Variants in GNAQ observed in about 807,000 individuals in gnomAD.
GNAQ encodes the protein G protein subunit alpha q.
GNAQ carries 8 observed loss-of-function variants against 43.9 expected under a neutral mutation model. That is an observed-to-expected ratio of 0.18 (90% CI 0.11 to 0.33). GNAQ has a LOEUF of 0.33. Ranked by LOEUF, GNAQ falls within the 10% of genes least tolerant of loss-of-function variation. The probability of loss-of-function intolerance (pLI) is 1.00; values close to 1 mark genes in which losing one functional copy is unlikely to be tolerated. For missense variants in GNAQ, 158 were observed against 450.8 expected (o/e 0.35, Z 5.88); for synonymous variants, 155 against 170.7 (o/e 0.91, Z 0.71).
chr9:78,028,966 C>T lies in GNAQ; in HGVS notation c.136+2134G>A, dbSNP rs78657751. Among the ~76,000 whole-genome samples, 1,295 of 152,140 alleles carry T rather than the reference C, an allele frequency of 8.5e-3. 13 individuals are homozygous for T. The highest frequency in any genetic ancestry group is 0.029 in the African/African-American group (1,187 of 41,496). Reference sequence around the variant, plus strand: ...CAGTAGCAATTCTTGCATGATGTTCCGCTAATAAGAGGAAAAAAAAGTTCT... The same window carrying T: ...CAGTAGCAATTCTTGCATGATGTTCTGCTAATAAGAGGAAAAAAAAGTTCT... On this transcript the variant is annotated intron_variant, in intron 1 of 6. Coordinates refer to ENST00000286548, the MANE Select transcript of GNAQ (RefSeq NM_002072.5).
chr9:77,782,657 A>G (rs1437445202), intron 5 of GNAQ, among the ~76,000 whole-genome samples: 1 of 152,216 alleles, frequency 6.6e-6, no homozygotes, highest in Admixed American at 6.5e-5. Flanking sequence ...GTATTTAACC[A>G]AAGGAGCTGA....
intron 1 of GNAQ, among the ~76,000 whole-genome samples, chr9:77,924,199 T>C (rs1829036937): frequency 6.6e-6 from 1 of 152,154 alleles, no homozygotes; most frequent in Non-Finnish European, 1.5e-5. Context: ...TTAAAATGAG[T>C]ATTTTATAAT....
Position 77,972,734 on chromosome 9 carries a change from G to A in GNAQ, c.137-50389C>T, listed in dbSNP as rs185964457. On this transcript the variant is annotated intron_variant, in intron 1 of 6. Coordinates refer to ENST00000286548, the MANE Select transcript of GNAQ (RefSeq NM_002072.5). Reference sequence around the variant, plus strand: ...TTTGGGAGGCCGAGGCGGGTGGATCGATCACCTGAGGAGTTCGAGACCAGC... The same window carrying A: ...TTTGGGAGGCCGAGGCGGGTGGATCAATCACCTGAGGAGTTCGAGACCAGC... 1.6e-3 allele frequency among the ~76,000 whole-genome samples: 244 copies of A among 151,902 alleles called. 1 individual carries two copies. Among genetic ancestry groups the A allele is most frequent in the African/African-American group, 5.6e-3 (231 of 41,422 alleles).
chr9:77,945,169 T>C (rs1014108141), intron 1 of GNAQ, among the ~76,000 whole-genome samples: 1 of 152,228 alleles, frequency 6.6e-6, no homozygotes, highest in Admixed American at 6.5e-5. Flanking sequence ...TCTTGGGCTA[T>C]TAACTGGGGA....
rs372177006 is a variant in GNAQ at position 77,867,073 on chromosome 9, A to G, written c.322-51303T>C. On this transcript the variant is annotated intron_variant, in intron 2 of 6. Transcript: ENST00000286548. ...ATCCTTTCTACATTTATCACTGTTCAGAGATCAATTGCATCATCTTCCCTA... is the reference window on the plus strand; with the variant it reads ...ATCCTTTCTACATTTATCACTGTTCGGAGATCAATTGCATCATCTTCCCTA... Among the ~76,000 whole-genome samples the G allele has an allele frequency of 2.5e-4, 38 of 152,304 alleles. No individual in the cohort carries two copies. The East Asian group carries it at 5.6e-3, about 22-fold the overall frequency.
intron 1 of GNAQ, among the ~76,000 whole-genome samples, chr9:78,022,699 A>G (rs1424573514): frequency 6.6e-6 from 1 of 152,262 alleles, no homozygotes; most frequent in African/African-American, 2.4e-5. Context: ...TTGTATTATT[A>G]GAACAAGTCA....
At chr9:77,762,284 T>C (rs1243267900) in intron 5 of GNAQ, among the ~76,000 whole-genome samples, 3 of 133,454 alleles carry the variant, frequency 2.2e-5, no homozygotes, top group Non-Finnish European at 4.8e-5. Flanking sequence ...AGCCGCCCCG[T>C]CCGGGAGGGA....
At chr9:77,874,104 CAAAAA>C (rs71937328) in intron 2 of GNAQ, among the ~76,000 whole-genome samples, 1 of 98,966 alleles carries the variant, frequency 1.0e-5, no homozygotes, top group Admixed American at 9.8e-5. Flanking sequence ...AACTCCATCT[CAAAAA>C]AAAAAAACAA....
intron 4 of GNAQ, among the ~76,000 whole-genome samples, chr9:77,796,463 T>C (rs1826660244): frequency 6.6e-5 from 10 of 152,256 alleles, no homozygotes; most frequent in Admixed American, 6.5e-4. Flanking sequence ...GTAGTTTGTA[T>C]TCTAACTAAA....
At chr9:77,912,287 T>C (rs1587404770) in intron 2 of GNAQ, among the ~76,000 whole-genome samples, 1 of 152,196 alleles carries the variant, frequency 6.6e-6, no homozygotes, top group South Asian at 2.1e-4. Flanking sequence ...AAGGTGACAC[T>C]GTATTGCTCT....
intron 1 of GNAQ, among the ~76,000 whole-genome samples, chr9:77,925,447 C>T (rs1489880775): frequency 6.6e-6 from 1 of 152,102 alleles, no homozygotes; most frequent in Non-Finnish European, 1.5e-5. Flanking sequence ...ACTTCTATTG[C>T]CCACAATTTA....
intron 2 of GNAQ, among the ~76,000 whole-genome samples, chr9:77,827,335 T>C (rs1827214020): frequency 6.9e-6 from 1 of 145,070 alleles, no homozygotes; most frequent in South Asian, 2.2e-4. Flanking sequence ...AAGTGATTGG[T>C]GATGTAGCAA....
At chr9:77,932,513 T>A (rs965890712) in intron 1 of GNAQ, among the ~76,000 whole-genome samples, 9 of 152,246 alleles carry the variant, frequency 5.9e-5, no homozygotes, top group African/African-American at 2.2e-4. Context: ...AAAACTAATA[T>A]TCAAGAACCC....
At chr9:77,918,664 C>A (rs1036205817) in intron 2 of GNAQ, among the ~76,000 whole-genome samples, 1 of 152,140 alleles carries the variant, frequency 6.6e-6, no homozygotes, top group Non-Finnish European at 1.5e-5. Flanking sequence ...CAGATTTCTA[C>A]ATCCCATGCA....
At chr9:77,823,927 T>C (rs946428237) in intron 2 of GNAQ, among the ~76,000 whole-genome samples, 4 of 152,230 alleles carry the variant, frequency 2.6e-5, no homozygotes, top group Non-Finnish European at 4.4e-5. Context: ...TACATTGATA[T>C]TATTCAAGGA....
chr9:77,864,161 T>C, intron 2 of GNAQ, among the ~76,000 whole-genome samples: 2 of 141,222 alleles, frequency 1.4e-5, no homozygotes, highest in Non-Finnish European at 3.1e-5. Context: ...GGGAGGAAGG[T>C]GCCAGGCTTT....
chr9:77,977,888 C>T (rs903043738), intron 1 of GNAQ, among the ~76,000 whole-genome samples: 4 of 152,124 alleles, frequency 2.6e-5, no homozygotes, highest in Admixed American at 6.5e-5. Context: ...CAACTTAACC[C>T]CCTTGTCCTG....
chr9:77,960,140 T>C (rs1823089829), intron 1 of GNAQ, among the ~76,000 whole-genome samples: 1 of 152,242 alleles, frequency 6.6e-6, no homozygotes, highest in South Asian at 2.1e-4. Flanking sequence ...GCTTTAATTC[T>C]ATGCTCACTG....
chr9:77,951,894 G>A (rs898805377), intron 1 of GNAQ, among the ~76,000 whole-genome samples: 7 of 152,194 alleles, frequency 4.6e-5, no homozygotes, highest in African/African-American at 1.7e-4. Flanking sequence ...TGCATGTGAC[G>A]CAAAGCAGGT....
Sources: gnomAD v4.1 joint callset for allele counts (sites outside exome capture counted in the v4.1 genomes callset) on GRCh38, gnomAD v4.1.1 for gene constraint, MANE v1.5 for transcripts, NCBI Gene and HGNC (gene_info 2026-07-23, HGNC 2026-07-21) for gene names.